The following AAK1 variants were observed in gnomAD, a reference collection of about 807,000 sequenced individuals.
AAK1 encodes the protein AP2-associated protein kinase 1.
Under a neutral mutation model 116.0 loss-of-function variants are expected in AAK1, and 37 were observed. The ratio of observed to expected loss-of-function variants is 0.32; its 90% CI spans 0.25 to 0.42. AAK1 has a LOEUF of 0.42. AAK1 is among the 10% of genes least tolerant of loss of function. AAK1 has a pLI of 1.00. For missense variants in AAK1, 919 were observed against 1,170.6 expected, an observed-to-expected ratio of 0.79 and a Z score of 3.14; for synonymous variants, 458 against 439.9, an observed-to-expected ratio of 1.04 and a Z score of -0.51.
intron 2 of AAK1, among the ~76,000 whole-genome samples, chr2:69,628,970 T>C (rs1047167711): frequency 3.3e-5 from 5 of 152,358 alleles, no homozygotes; most frequent in Admixed American, 1.3e-4. Context: ...TAGACTCATT[T>C]TATAACTCAG....
At chr2:69,512,793 C>T (rs777205295) in intron 13 of AAK1, among the ~76,000 whole-genome samples, 4 of 152,180 alleles carry the variant, frequency 2.6e-5, no homozygotes, top group Non-Finnish European at 5.9e-5. Flanking sequence ...AATTCATTCC[C>T]AAGGGAGTAG....
intron 2 of AAK1, among the ~76,000 whole-genome samples, chr2:69,612,523 T>C (rs1351231721): frequency 6.6e-6 from 1 of 152,244 alleles, no homozygotes; most frequent in African/African-American, 2.4e-5. Flanking sequence ...CTCTAGACGT[T>C]TCACCAGAAA....
chr2:69,520,633 T>C (rs921180285), intron 11 of AAK1, among the ~76,000 whole-genome samples: 3 of 152,084 alleles, frequency 2.0e-5, no homozygotes, highest in African/African-American at 7.2e-5. Context: ...TCCCAAAGTG[T>C]TGGGATTACA....
At chr2:69,571,450 G>T (rs776743197) in intron 2 of AAK1, among the ~76,000 whole-genome samples, 2 of 152,146 alleles carry the variant, frequency 1.3e-5, no homozygotes, top group Non-Finnish European at 2.9e-5. Flanking sequence ...GTTGGGTTCT[G>T]GGAGGTTCCC....
At chr2:69,501,095 T>C (rs578054415) in intron 16 of AAK1, among the ~76,000 whole-genome samples, 5 of 152,310 alleles carry the variant, frequency 3.3e-5, no homozygotes, top group Non-Finnish European at 5.9e-5. Flanking sequence ...CCCAGGTCCA[T>C]GGCTAATCAT....
intron 5 of AAK1, among the ~76,000 whole-genome samples, chr2:69,535,299 T>C (rs145966201): frequency 6.6e-6 from 1 of 152,342 alleles, no homozygotes; most frequent in Non-Finnish European, 1.5e-5. Context: ...ACACATTGCA[T>C]ACCAGTATCA....
intron 2 of AAK1, among the ~76,000 whole-genome samples, chr2:69,605,035 C>G (rs1673738956): frequency 6.6e-6 from 1 of 152,294 alleles, no homozygotes; most frequent in Admixed American, 6.5e-5. Flanking sequence ...CCTCCTAGCA[C>G]TAATTTCAGC....
chr2:69,566,207 G>T (rs374926084), intron 2 of AAK1, among the ~76,000 whole-genome samples: 1 of 152,158 alleles, frequency 6.6e-6, no homozygotes, highest in East Asian at 1.9e-4. Flanking sequence ...TTTGCCAAAA[G>T]CTTCGGAAGG....
intron 13 of AAK1, among the ~76,000 whole-genome samples, chr2:69,512,107 G>A (rs2104975602): frequency 6.6e-6 from 1 of 152,306 alleles, no homozygotes; most frequent in East Asian, 1.9e-4. Flanking sequence ...GCCCCATGAT[G>A]CCATCCCATC....
At chr2:69,627,704 T>C (rs1348305338) in intron 2 of AAK1, among the ~76,000 whole-genome samples, 1 of 152,230 alleles carries the variant, frequency 6.6e-6, no homozygotes, top group Non-Finnish European at 1.5e-5. Flanking sequence ...TGGACTCCTC[T>C]TCCTCCACAC....
At chr2:69,532,568 C>T (rs1255406890) in intron 5 of AAK1, among the ~76,000 whole-genome samples, 1 of 152,166 alleles carries the variant, frequency 6.6e-6, no homozygotes, top group Non-Finnish European at 1.5e-5. Flanking sequence ...TCATTTCAAA[C>T]CCCAGTTCAA....
rs1488359262 is a variant in AAK1 at position 69,470,215 on chromosome 2, T to C, written c.*5654A>G. On this transcript the variant is annotated 3_prime_UTR_variant, in exon 22 of 22. Coordinates refer to ENST00000409085, the MANE Select transcript of AAK1 (RefSeq NM_014911.5). ...GTTACAGGGAGTATCAAAGATATGA[T>C]TCTTGCCAAAAACAGAAAACGAAGA... The C allele has an allele frequency of 5.1e-6, 5 of 985,316 alleles. No individual in the cohort carries two copies. The highest frequency in any genetic ancestry group is 6.0e-6 in the Non-Finnish European group (5 of 829,944). 61.0% of individuals were successfully genotyped at this position (985,316 alleles called of 1,614,324 possible).
At chr2:69,520,362 T>TC (rs1329437510) in intron 11 of AAK1, among the ~76,000 whole-genome samples, 52 of 148,764 alleles carry the variant, frequency 3.5e-4, no homozygotes, top group African/African-American at 1.2e-3. Flanking sequence ...TCTTTTCTTT[T>TC]TTTTTTTTTT....
chr2:69,636,819 C>A (rs1675466876), intron 2 of AAK1, among the ~76,000 whole-genome samples: 1 of 151,902 alleles, frequency 6.6e-6, no homozygotes, highest in East Asian at 1.9e-4. Context: ...GCTGCCTTAG[C>A]CTCCCAAGTA....
chr2:69,502,348 G>A (rs1676009532), intron 16 of AAK1, among the ~76,000 whole-genome samples: 2 of 152,146 alleles, frequency 1.3e-5, no homozygotes, highest in South Asian at 4.1e-4. Flanking sequence ...CTGGCTGGGT[G>A]CGGTGGCTCA....
intron 5 of AAK1, among the ~76,000 whole-genome samples, chr2:69,537,672 C>T (rs904395738): frequency 6.6e-6 from 1 of 152,184 alleles, no homozygotes; most frequent in South Asian, 2.1e-4. Flanking sequence ...AGCTCAGAGT[C>T]GCTGAGACTA....
At chr2:69,522,632 C>T (rs372235858) in intron 10 of AAK1, among the ~76,000 whole-genome samples, 16 of 151,856 alleles carry the variant, frequency 1.1e-4, no homozygotes, top group South Asian at 4.2e-4. Context: ...GGCAAAACGC[C>T]GTCTCTACTA....
intron 2 of AAK1, among the ~76,000 whole-genome samples, chr2:69,615,622 A>G (rs1034208421): frequency 1.3e-5 from 2 of 152,132 alleles, no homozygotes. Flanking sequence ...TTGCTCTTAT[A>G]TGAAAGAAAC....
chr2:69,548,214 A>G (rs1456077591), intron 3 of AAK1, among the ~76,000 whole-genome samples: 1 of 152,212 alleles, frequency 6.6e-6, no homozygotes, highest in Non-Finnish European at 1.5e-5. Flanking sequence ...ACTGGACCGT[A>G]TGCTTTAAAA....
Sources: allele counts gnomAD v4.1 joint callset (sites outside exome capture counted in the v4.1 genomes callset), GRCh38; gene constraint gnomAD v4.1.1; transcripts MANE v1.5; gene names NCBI Gene and HGNC (gene_info 2026-07-23, HGNC 2026-07-21).